BRINP3: variants seen among roughly 807,000 people sequenced by gnomAD.
The protein encoded by BRINP3 is BMP/retinoic acid inducible neural specific 3.
In BRINP3, 19 loss-of-function variants were observed where a neutral mutation model predicts 71.0. The observed-to-expected ratio is 0.27, with a 90% CI of 0.19 to 0.39. The LOEUF is 0.39. Among genes scored for constraint, BRINP3 ranks in the 10% least tolerant of loss-of-function variants. BRINP3 has a pLI of 1.00. For synonymous variants in BRINP3, 380 were observed against 337.7 expected (o/e 1.13, Z -1.37); for missense variants, 959 against 940.8 (o/e 1.02, Z -0.25).
At chr1:190,220,483 AT>A (rs1656781006) in intron 6 of BRINP3, among the ~76,000 whole-genome samples, 1 of 152,114 alleles carries the variant, frequency 6.6e-6, no homozygotes, top group Non-Finnish European at 1.5e-5. Flanking sequence ...TGGCCCGTGT[AT>A]ACCTATGTAA....
At chr1:190,109,784 C>T (rs563379194) in intron 7 of BRINP3, among the ~76,000 whole-genome samples, 7 of 152,348 alleles carry the variant, frequency 4.6e-5, no homozygotes, top group Non-Finnish European at 7.3e-5. Flanking sequence ...TTCAGTTTCT[C>T]CAGCCTTTGG....
chr1:190,448,228 G>T (rs1675358498), intron 2 of BRINP3, among the ~76,000 whole-genome samples: 1 of 151,302 alleles, frequency 6.6e-6, no homozygotes, highest in African/African-American at 2.4e-5. Context: ...TTAATATCTA[G>T]TTTTAAATTT....
intron 6 of BRINP3, among the ~76,000 whole-genome samples, chr1:190,166,927 G>T (rs991660899): frequency 6.6e-6 from 1 of 152,028 alleles, no homozygotes; most frequent in African/African-American, 2.4e-5. Context: ...GATTCACCAT[G>T]TTGGCCAGGC....
Position 190,124,363 on chromosome 1 carries a change from C to G in BRINP3, c.1185-25229G>C, listed in dbSNP as rs375409819. Among the ~76,000 whole-genome samples, 16 of 152,170 alleles carry G rather than the reference C, an allele frequency of 1.1e-4. No homozygotes were observed. In the South Asian group the frequency reaches 3.3e-3, roughly 32 times the overall value. ...GGCTTCCGGTGAGAAATAAATTTCTCTCATTTATAAATTACCTGGTCAGTG... is the reference window on the plus strand; with the variant it reads ...GGCTTCCGGTGAGAAATAAATTTCTGTCATTTATAAATTACCTGGTCAGTG... On this transcript the variant is annotated intron_variant, in intron 7 of 7. Transcript: ENST00000367462.
At chr1:190,180,242 C>T (rs559687328) in intron 6 of BRINP3, among the ~76,000 whole-genome samples, 4 of 152,240 alleles carry the variant, frequency 2.6e-5, no homozygotes, top group African/African-American at 9.6e-5. Context: ...TCTCTAGGAA[C>T]CAGATAACCC....
At chr1:190,380,942 T>C (rs1670509172) in intron 2 of BRINP3, among the ~76,000 whole-genome samples, 1 of 152,142 alleles carries the variant, frequency 6.6e-6, no homozygotes, top group African/African-American at 2.4e-5. Flanking sequence ...TTATGATATT[T>C]ACAAATCTCT....
intron 1 of BRINP3, among the ~76,000 whole-genome samples, chr1:190,466,596 G>A (rs1255751509): frequency 6.6e-6 from 1 of 151,608 alleles, no homozygotes. Flanking sequence ...AAATGAAAAT[G>A]TTTCAACATT....
intron 2 of BRINP3, among the ~76,000 whole-genome samples, chr1:190,412,227 A>C (rs1672713462): frequency 6.6e-6 from 1 of 151,954 alleles, no homozygotes; most frequent in African/African-American, 2.4e-5. Flanking sequence ...GGATGAAGTT[A>C]ATGGTATTAC....
chr1:190,167,353 A>T (rs1651645593), intron 6 of BRINP3, among the ~76,000 whole-genome samples: 1 of 152,190 alleles, frequency 6.6e-6, no homozygotes, highest in Admixed American at 6.5e-5. Context: ...TTTTGACATT[A>T]GAAATTCCAC....
intron 2 of BRINP3, among the ~76,000 whole-genome samples, chr1:190,406,818 A>G (rs960214834): frequency 3.3e-5 from 5 of 152,198 alleles, no homozygotes; most frequent in African/African-American, 4.8e-5. Flanking sequence ...TTAATAATGA[A>G]TTTAGTTACC....
intron 7 of BRINP3, among the ~76,000 whole-genome samples, chr1:190,156,465 T>C (rs1030939099): frequency 6.6e-6 from 1 of 152,064 alleles, no homozygotes; most frequent in Non-Finnish European, 1.5e-5. Flanking sequence ...AAATACCCAA[T>C]GTTCAGTTTA....
At chr1:190,277,908 G>A (rs1353334869) in intron 3 of BRINP3, among the ~76,000 whole-genome samples, 1 of 151,568 alleles carries the variant, frequency 6.6e-6, no homozygotes, top group Non-Finnish European at 1.5e-5. Flanking sequence ...TCGATAAACA[G>A]TCTGGTAGCT....
intron 2 of BRINP3, among the ~76,000 whole-genome samples, chr1:190,423,537 T>A (rs947137593): frequency 6.6e-5 from 10 of 151,832 alleles, no homozygotes; most frequent in African/African-American, 2.2e-4. Flanking sequence ...AAACATTATT[T>A]TACCTTTACT....
At chr1:190,106,524 T>G (rs1652181768) in intron 7 of BRINP3, among the ~76,000 whole-genome samples, 1 of 151,546 alleles carries the variant, frequency 6.6e-6, no homozygotes, top group Admixed American at 6.6e-5. Context: ...TGTTCGTCTG[T>G]GACCCTAATA....
rs1656684063 is a variant in BRINP3 at position 190,154,400 on chromosome 1, G to A, written c.1184+6268C>T. On this transcript the variant is annotated intron_variant, in intron 7 of 7. Transcript: ENST00000367462. Reference sequence around the variant, plus strand: ...AGTGATCCACATAGCCCTGGGTGTAGGTGGGAAAAGAGGGCAAGATCCTAT... The same window carrying A: ...AGTGATCCACATAGCCCTGGGTGTAAGTGGGAAAAGAGGGCAAGATCCTAT... Among the ~76,000 whole-genome samples, 3 of 152,134 alleles carry A rather than the reference G, an allele frequency of 2.0e-5. No individual in the cohort carries two copies. The South Asian group carries it at 6.2e-4, about 31-fold the overall frequency.
At chr1:190,207,604 T>A (rs1410645972) in intron 6 of BRINP3, among the ~76,000 whole-genome samples, 1 of 152,058 alleles carries the variant, frequency 6.6e-6, no homozygotes, top group Non-Finnish European at 1.5e-5. Context: ...GCTATATAGG[T>A]GTCACTAGAA....
intron 6 of BRINP3, among the ~76,000 whole-genome samples, chr1:190,165,688 CAAA>C (rs36073895): frequency 1.1e-3 from 162 of 146,148 alleles, no homozygotes; most frequent in South Asian, 3.9e-3. Flanking sequence ...TTTTCAGTGG[CAAA>C]AAAAAAAAAA....
intron 6 of BRINP3, among the ~76,000 whole-genome samples, chr1:190,222,562 AAAGTT>A (rs1656987207): frequency 1.3e-5 from 2 of 151,966 alleles, no homozygotes; most frequent in South Asian, 2.1e-4. Context: ...AGATATGAAT[AAAGTT>A]GAGACAAAAA....
intron 1 of BRINP3, among the ~76,000 whole-genome samples, chr1:190,470,673 G>C (rs1314314934): frequency 1.3e-5 from 2 of 151,088 alleles, no homozygotes; most frequent in East Asian, 3.9e-4. Context: ...GAATCTATAA[G>C]ATTTCTCAGT....
Sources: gnomAD v4.1 joint callset for allele counts (sites outside exome capture counted in the v4.1 genomes callset) on GRCh38, gnomAD v4.1.1 for gene constraint, MANE v1.5 for transcripts, NCBI Gene and HGNC (gene_info 2026-07-23, HGNC 2026-07-21) for gene names.